The following MYO1E variants were observed in gnomAD, a reference collection of about 807,000 sequenced individuals.
MYO1E encodes the protein myosin IE, also known as unconventional myosin-Ie.
Under a neutral mutation model 151.1 loss-of-function variants are expected in MYO1E, and 68 were observed. That is an observed-to-expected ratio of 0.45 (90% CI 0.37 to 0.55). MYO1E has a LOEUF of 0.55. Among genes scored for constraint, MYO1E ranks in the 20% least tolerant of loss-of-function variants. The pLI is 0.00. For missense variants in MYO1E, 1,363 were observed against 1,389.3 expected, an observed-to-expected ratio of 0.98 and a Z score of 0.30; for synonymous variants, 601 against 501.7, an observed-to-expected ratio of 1.20 and a Z score of -2.64.
intron 4 of MYO1E, among the ~76,000 whole-genome samples, chr15:59,243,829 G>A (rs967164165): frequency 2.0e-5 from 3 of 151,510 alleles, no homozygotes; most frequent in South Asian, 2.1e-4. Context: ...GTAATTCTGC[G>A]AGAATGAGAA....
At position 59,372,837 on chromosome 15, in the gene MYO1E, C is replaced by T. The variant is rs1295542460; in HGVS notation, c.-337G>A. The stretch of plus-strand genomic sequence containing the variant: ...CTCCCCTGCCTCACTCCTCTTTCTT[C>T]GGCCACTTAATCCGTACTCCTCTGG... On this transcript the variant is annotated 5_prime_UTR_variant, in exon 1 of 28. Transcript: ENST00000288235. 1.8e-5 allele frequency: 8 copies of T among 436,984 alleles called. No individual in the cohort carries two copies. The highest frequency in any genetic ancestry group is 8.0e-5 in the Admixed American group (2 of 24,984). The allele number at this position is 436,984 out of a possible 1,614,324, so 27.1% of individuals were successfully genotyped here.
intron 1 of MYO1E, among the ~76,000 whole-genome samples, chr15:59,326,495 C>T (rs2080665198): frequency 6.6e-6 from 1 of 152,186 alleles, no homozygotes; most frequent in Non-Finnish European, 1.5e-5. Flanking sequence ...TGCACTCCAG[C>T]CTGGCGACAG....
intron 14 of MYO1E, chr15:59,206,900 C>CT (rs1286018202): frequency 1.3e-6 from 2 of 1,580,674 alleles, no homozygotes; most frequent in East Asian, 2.3e-5. Flanking sequence ...GGATCAGCAG[C>CT]TTTTTTCCAT....
chr15:59,327,614 C>T (rs2080673253), intron 1 of MYO1E, among the ~76,000 whole-genome samples: 1 of 152,046 alleles, frequency 6.6e-6, no homozygotes, highest in South Asian at 2.1e-4. Context: ...CACGCCCAGC[C>T]ATTTATTTAC....
intron 19 of MYO1E, among the ~76,000 whole-genome samples, chr15:59,175,071 A>G (rs2140317942): frequency 6.6e-6 from 1 of 152,294 alleles, no homozygotes; most frequent in Middle Eastern, 3.4e-3. Flanking sequence ...CAACGCCTCC[A>G]CAGCTACATG....
At chr15:59,369,895 A>G (rs2080935150) in intron 1 of MYO1E, among the ~76,000 whole-genome samples, 2 of 152,174 alleles carry the variant, frequency 1.3e-5, no homozygotes, top group African/African-American at 2.4e-5. Context: ...ACACGCACAC[A>G]CACACACTCA....
At chr15:59,185,378 C>T (rs1173438771) in intron 18 of MYO1E, among the ~76,000 whole-genome samples, 1 of 152,220 alleles carries the variant, frequency 6.6e-6, no homozygotes, top group Non-Finnish European at 1.5e-5. Context: ...AGCAATTCTC[C>T]TGCCTCAGCC....
At chr15:59,154,389 A>G (rs2079498841) in intron 25 of MYO1E, among the ~76,000 whole-genome samples, 1 of 152,244 alleles carries the variant, frequency 6.6e-6, no homozygotes, top group Non-Finnish European at 1.5e-5. Context: ...TCTCTCAGCC[A>G]AACAGCGATG....
Position 59,204,581 on chromosome 15 carries a change from C to A in MYO1E, c.1616+819G>T, listed in dbSNP as rs78304476. Among the ~76,000 whole-genome samples the A allele has an allele frequency of 3.2e-3, 490 of 152,230 alleles. 23 individuals carry two copies. The East Asian group carries it at 0.087, about 27-fold the overall frequency. On this transcript the variant is annotated intron_variant, in intron 15 of 27. Coordinates refer to ENST00000288235, the MANE Select transcript of MYO1E (RefSeq NM_004998.4). Reference sequence around the variant, plus strand: ...TATGTGTTATCCAGGATCTTGAGAACCTTTTCAGGGAAAAGGGGAGGAAGG... The same window carrying A: ...TATGTGTTATCCAGGATCTTGAGAAACTTTTCAGGGAAAAGGGGAGGAAGG...
chr15:59,328,943 CTT>C (rs2080682905), intron 1 of MYO1E, among the ~76,000 whole-genome samples: 1 of 152,174 alleles, frequency 6.6e-6, no homozygotes. Flanking sequence ...GGTTAAGAAA[CTT>C]TGCCCACAGC....
chr15:59,179,968 T>G (rs1387861801), intron 18 of MYO1E, among the ~76,000 whole-genome samples: 3 of 152,230 alleles, frequency 2.0e-5, no homozygotes, highest in African/African-American at 7.2e-5. Flanking sequence ...GGCCCTCCTT[T>G]GTTCCCAGAA....
intron 1 of MYO1E, among the ~76,000 whole-genome samples, chr15:59,315,172 T>A (rs771249590): frequency 6.6e-6 from 1 of 152,176 alleles, no homozygotes; most frequent in Non-Finnish European, 1.5e-5. Flanking sequence ...CCTTGGATGT[T>A]GTGAGGCAAC....
intron 1 of MYO1E, among the ~76,000 whole-genome samples, chr15:59,305,176 T>G (rs2080507460): frequency 6.6e-6 from 1 of 152,164 alleles, no homozygotes. Flanking sequence ...TCAAAGAAGA[T>G]CATTCCACAA....
intron 16 of MYO1E, among the ~76,000 whole-genome samples, chr15:59,199,761 G>T (rs1431066026): frequency 6.6e-6 from 1 of 152,032 alleles, no homozygotes; most frequent in Non-Finnish European, 1.5e-5. Context: ...TTCTTTCAAG[G>T]AACTCAGAAT....
intron 1 of MYO1E, among the ~76,000 whole-genome samples, chr15:59,367,489 C>T (rs2080921216): frequency 2.6e-5 from 4 of 152,164 alleles, no homozygotes; most frequent in Admixed American, 2.6e-4. Context: ...CCTCACCACT[C>T]GTGGAACCAT....
At chr15:59,299,800 A>G (rs2140402765) in intron 1 of MYO1E, among the ~76,000 whole-genome samples, 1 of 152,360 alleles carries the variant, frequency 6.6e-6, no homozygotes, top group African/African-American at 2.4e-5. Flanking sequence ...TTTTAGAAAC[A>G]CCAGCCCAAA....
At chr15:59,241,472 A>C (rs887169773) in intron 4 of MYO1E, among the ~76,000 whole-genome samples, 17 of 152,224 alleles carry the variant, frequency 1.1e-4, no homozygotes, top group Non-Finnish European at 2.4e-4. Flanking sequence ...CGGGTGGATC[A>C]CCTTAAGTCA....
intron 1 of MYO1E, among the ~76,000 whole-genome samples, chr15:59,313,952 C>A (rs933434197): frequency 2.6e-5 from 4 of 152,248 alleles, no homozygotes; most frequent in Non-Finnish European, 5.9e-5. Flanking sequence ...CCCAGACTGA[C>A]TGGAACAGGA....
chr15:59,222,848 G>A (rs2079964509), intron 9 of MYO1E, among the ~76,000 whole-genome samples: 1 of 152,220 alleles, frequency 6.6e-6, no homozygotes, highest in Admixed American at 6.5e-5. Context: ...CGATGGTGTG[G>A]GACTTGGAAA....
Sources: allele counts gnomAD v4.1 joint callset (sites outside exome capture counted in the v4.1 genomes callset), GRCh38; gene constraint gnomAD v4.1.1; transcripts MANE v1.5; gene names NCBI Gene and HGNC (gene_info 2026-07-23, HGNC 2026-07-21).